PEAK1: variants seen among roughly 807,000 people sequenced by gnomAD.
PEAK1 encodes pseudopodium enriched atypical kinase 1.
PEAK1 carries 54 observed loss-of-function variants against 124.7 expected under a neutral mutation model. The ratio of observed to expected loss-of-function variants is 0.43; its 90% CI spans 0.35 to 0.54. The LOEUF (loss-of-function observed/expected upper bound fraction) is 0.54. Ranked by LOEUF, PEAK1 falls within the 20% of genes least tolerant of loss-of-function variation. The pLI is 0.01. For synonymous variants in PEAK1, 719 were observed against 760.0 expected (o/e 0.95, Z 0.89); for missense variants, 2,046 against 2,134.5 (o/e 0.96, Z 0.82).
At chr15:77,389,008 G>C (rs190807488) in intron 1 of PEAK1, among the ~76,000 whole-genome samples, 2 of 149,336 alleles carry the variant, frequency 1.3e-5, no homozygotes, top group Admixed American at 6.7e-5. Context: ...TGTCGCCCAG[G>C]CTGGAGTGCA....
intron 6 of PEAK1, among the ~76,000 whole-genome samples, chr15:77,210,333 GTTCT>G (rs1193595570): frequency 6.6e-6 from 1 of 152,104 alleles, no homozygotes; most frequent in Non-Finnish European, 1.5e-5. Context: ...TAAAGTTGAA[GTTCT>G]TTTAGATCTC....
chr15:77,221,756 G>A (rs2059401969), intron 6 of PEAK1, among the ~76,000 whole-genome samples: 1 of 152,120 alleles, frequency 6.6e-6, no homozygotes, highest in Non-Finnish European at 1.5e-5. Context: ...GTACTAAGAA[G>A]TTTTGTGAAG....
At chr15:77,198,614 T>C (rs1333937009) in intron 6 of PEAK1, among the ~76,000 whole-genome samples, 1 of 152,172 alleles carries the variant, frequency 6.6e-6, no homozygotes, top group African/African-American at 2.4e-5. Context: ...TTTTGAGAAA[T>C]ACCTTTTTGT....
At chr15:77,223,064 C>G (rs2152881949) in intron 6 of PEAK1, among the ~76,000 whole-genome samples, 1 of 152,012 alleles carries the variant, frequency 6.6e-6, no homozygotes, top group East Asian at 1.9e-4. Context: ...ATTTGAGAAG[C>G]AATAATTTTA....
intron 1 of PEAK1, among the ~76,000 whole-genome samples, chr15:77,368,872 G>A (rs1261365077): frequency 6.6e-6 from 1 of 152,048 alleles, no homozygotes; most frequent in East Asian, 1.9e-4. Context: ...CTCCATTATA[G>A]GGAATACACA....
At chr15:77,205,758 C>A (rs2058610774) in intron 6 of PEAK1, among the ~76,000 whole-genome samples, 3 of 152,120 alleles carry the variant, frequency 2.0e-5, no homozygotes, top group Non-Finnish European at 4.4e-5. Context: ...TACTTGATAG[C>A]CATGTAAGGA....
rs115604501 is a variant in PEAK1, at chr15:77,341,365, T to C, written c.-603+23798A>G. Among the ~76,000 whole-genome samples the C allele has an allele frequency of 5.3e-3, 812 of 152,156 alleles. 11 individuals are homozygous for C. Among genetic ancestry groups the C allele is most frequent in the African/African-American group, 0.017 (696 of 41,490 alleles). ...AAATTTAAAAATCAGCTGGGCATAG[T>C]GGCACGTGACTGTAATCCCAGCTCC... On this transcript the variant is annotated intron_variant, in intron 2 of 9. Transcript: ENST00000682557.
At chr15:77,316,446 T>C (rs2064878961) in intron 2 of PEAK1, among the ~76,000 whole-genome samples, 1 of 152,338 alleles carries the variant, frequency 6.6e-6, no homozygotes, top group East Asian at 1.9e-4. Context: ...ACAAAGTTAT[T>C]TTCTCTGGAA....
chr15:77,383,238 C>G (rs1040912379), intron 1 of PEAK1, among the ~76,000 whole-genome samples: 1 of 151,902 alleles, frequency 6.6e-6, no homozygotes, highest in Admixed American at 6.6e-5. Context: ...ATTGGTTAGG[C>G]TGGTCTCAAA....
chr15:77,338,147 A>G, intron 2 of PEAK1: 1 of 971,304 alleles, frequency 1.0e-6, no homozygotes, highest in Non-Finnish European at 1.2e-6. Flanking sequence ...AGCATGGACA[A>G]TTAATACAGC....
intron 2 of PEAK1, chr15:77,332,427 A>C: frequency 6.8e-5 from 16 of 233,662 alleles, no homozygotes; most frequent in South Asian, 1.6e-4. Flanking sequence ...GTGAAACCTC[A>C]TCTGTACTAA....
intron 1 of PEAK1, among the ~76,000 whole-genome samples, chr15:77,400,638 T>C (rs149660248): frequency 0.022 from 3,421 of 152,176 alleles, 58 homozygotes; most frequent in Non-Finnish European, 0.036. Context: ...GATGAATTTA[T>C]CAGGACATAA....
intron 5 of PEAK1, among the ~76,000 whole-genome samples, chr15:77,280,700 T>C (rs1388989901): frequency 5.3e-5 from 8 of 152,178 alleles, no homozygotes. Context: ...ACAAACTTCC[T>C]TCAGACAGTG....
intron 6 of PEAK1, among the ~76,000 whole-genome samples, chr15:77,239,076 AG>A (rs2060247197): frequency 6.6e-6 from 1 of 152,218 alleles, no homozygotes; most frequent in South Asian, 2.1e-4. Flanking sequence ...GATTATTTTT[AG>A]GAATGTGTAG....
At chr15:77,208,729 T>C (rs918809831) in intron 6 of PEAK1, among the ~76,000 whole-genome samples, 4 of 152,282 alleles carry the variant, frequency 2.6e-5, no homozygotes, top group Non-Finnish European at 5.9e-5. Context: ...TGATGGGTTA[T>C]AAAACAGCTA....
At chr15:77,294,008 A>G (rs2063358445) in intron 2 of PEAK1, among the ~76,000 whole-genome samples, 1 of 152,212 alleles carries the variant, frequency 6.6e-6, no homozygotes, top group Non-Finnish European at 1.5e-5. Flanking sequence ...TGCTTTAGAT[A>G]TAAGCATTAC....
intron 1 of PEAK1, among the ~76,000 whole-genome samples, chr15:77,373,654 G>A (rs771342340): frequency 1.7e-4 from 26 of 152,140 alleles, no homozygotes; most frequent in Non-Finnish European, 2.9e-4. Flanking sequence ...AGGATGAAGG[G>A]GTTCTTCAAG....
chr15:77,251,568 T>G (rs1246585794), intron 6 of PEAK1, among the ~76,000 whole-genome samples: 1 of 152,180 alleles, frequency 6.6e-6, no homozygotes, highest in African/African-American at 2.4e-5. Flanking sequence ...CTTTGCATAC[T>G]GAATAGGAAC....
intron 1 of PEAK1, chr15:77,417,459 C>CGGG (rs745566711): frequency 2.4e-4 from 91 of 378,564 alleles, no homozygotes; most frequent in Non-Finnish European, 2.7e-4. Flanking sequence ...GGATGCGGGG[C>CGGG]GGGGGGGGAG....
Sources: gnomAD v4.1 joint callset for allele counts (sites outside exome capture counted in the v4.1 genomes callset) on GRCh38, gnomAD v4.1.1 for gene constraint, MANE v1.5 for transcripts, NCBI Gene and HGNC (gene_info 2026-07-23, HGNC 2026-07-21) for gene names.